The following SLC2A9 variants were observed in gnomAD, a reference collection of about 807,000 sequenced individuals.
SLC2A9 encodes solute carrier family 2, facilitated glucose transporter member 9.
Under a neutral mutation model 50.6 loss-of-function variants are expected in SLC2A9, and 39 were observed. The ratio of observed to expected loss-of-function variants is 0.77; its 90% CI spans 0.60 to 1.01. The LOEUF (loss-of-function observed/expected upper bound fraction) is 1.01, where lower values mean the gene tolerates loss of function less well. SLC2A9 is among the 50% of genes least tolerant of loss of function. SLC2A9 has a pLI of 0.00. For missense variants in SLC2A9, 686 were observed against 677.6 expected, an observed-to-expected ratio of 1.01 and a Z score of -0.14; for synonymous variants, 324 against 276.9, an observed-to-expected ratio of 1.17 and a Z score of -1.69.
intron 7 of SLC2A9, among the ~76,000 whole-genome samples, chr4:9,912,771 C>T (rs1383642528): frequency 6.6e-6 from 1 of 152,182 alleles, no homozygotes; most frequent in Non-Finnish European, 1.5e-5. Context: ...ATCCTGGGAA[C>T]CCCAGAACAT....
At chr4:9,903,135 T>C (rs1020521894) in intron 8 of SLC2A9, among the ~76,000 whole-genome samples, 51 of 152,134 alleles carry the variant, frequency 3.4e-4, no homozygotes, top group African/African-American at 1.2e-3. Flanking sequence ...TTTTACCACG[T>C]TCTGCTCTCA....
intron 3 of SLC2A9, among the ~76,000 whole-genome samples, chr4:9,810,441 T>A (rs545771797): frequency 6.6e-6 from 1 of 152,324 alleles, no homozygotes; most frequent in African/African-American, 2.4e-5. Flanking sequence ...CTTTAAGGGA[T>A]GAGATTTTGG....
At chr4:9,974,920 A>T (rs954012637) in intron 5 of SLC2A9, among the ~76,000 whole-genome samples, 1 of 152,164 alleles carries the variant, frequency 6.6e-6, no homozygotes, top group African/African-American at 2.4e-5. Flanking sequence ...TAGACAAATG[A>T]AACAGAATGG....
intron 5 of SLC2A9, among the ~76,000 whole-genome samples, chr4:9,974,800 A>G (rs933900844): frequency 6.6e-6 from 1 of 152,220 alleles, no homozygotes; most frequent in Non-Finnish European, 1.5e-5. Context: ...AGCCCAAGCC[A>G]TCCTAAGCAA....
At chr4:9,804,382 A>G (rs532623018) in intron 3 of SLC2A9, among the ~76,000 whole-genome samples, 100 of 152,284 alleles carry the variant, frequency 6.6e-4, no homozygotes, top group African/African-American at 2.4e-3. Context: ...CCCTCAACTC[A>G]TCTGCCTTTC....
intron 2 of SLC2A9, among the ~76,000 whole-genome samples, chr4:10,009,054 T>C (rs1319492579): frequency 6.6e-6 from 1 of 152,132 alleles, no homozygotes; most frequent in Admixed American, 6.5e-5. Context: ...TAATTGCCCG[T>C]TGTTTCTGCA....
At chr4:9,951,644 C>T (rs1750281939) in intron 5 of SLC2A9, among the ~76,000 whole-genome samples, 1 of 151,796 alleles carries the variant, frequency 6.6e-6, no homozygotes, top group Admixed American at 6.6e-5. Flanking sequence ...AAACAGTAAT[C>T]ATCTTTAGGA....
rs73096631 is a variant in SLC2A9 at position 9,932,293 on chromosome 4, G to T, written c.814+9620C>A. On this transcript the variant is annotated intron_variant, in intron 6 of 11. Coordinates refer to ENST00000264784, the MANE Select transcript of SLC2A9 (RefSeq NM_020041.3). ...CTGTACTCAGCCTTTGGTATACTTT[G>T]GTTTTCTTCATTCATGCAACAATTA... Among the ~76,000 whole-genome samples the T allele has an allele frequency of 8.0e-3, 1,209 of 151,854 alleles. 18 individuals are homozygous for T. Among genetic ancestry groups the T allele is most frequent in the African/African-American group, 0.028 (1,164 of 41,356 alleles).
At chr4:9,917,325 C>CTTTTTTTTTTTTTTTT (rs55927201) in intron 7 of SLC2A9, among the ~76,000 whole-genome samples, 11 of 81,802 alleles carry the variant, frequency 1.3e-4, no homozygotes, top group Admixed American at 2.0e-4. Flanking sequence ...TTCTTTTTTC[C>CTTTTTTTTTTTTTTTT]TTTTTTTTTT....
intron 5 of SLC2A9, among the ~76,000 whole-genome samples, chr4:9,971,202 TC>T (rs1397280643): frequency 1.3e-5 from 2 of 152,242 alleles, no homozygotes; most frequent in African/African-American, 4.8e-5. Context: ...ACAACAAGTT[TC>T]ACCTAATTTG....
downstream of SLC2A9, among the ~76,000 whole-genome samples, chr4:9,796,942 C>T (rs149644486): frequency 9.1e-3 from 1,391 of 152,262 alleles, 52 homozygotes; most frequent in Admixed American, 0.065. Context: ...AGCCCAATGT[C>T]AGTGGGGTGG....
chr4:9,985,115 C>A (rs1479761236), intron 4 of SLC2A9, among the ~76,000 whole-genome samples: 1 of 152,182 alleles, frequency 6.6e-6, no homozygotes, highest in Non-Finnish European at 1.5e-5. Flanking sequence ...ACAGCCCTCA[C>A]CACCCTCCTG....
At chr4:9,836,513 A>G (rs1727139599) in intron 10 of SLC2A9, among the ~76,000 whole-genome samples, 1 of 152,130 alleles carries the variant, frequency 6.6e-6, no homozygotes, top group African/African-American at 2.4e-5. Context: ...GGGAGGGGCC[A>G]GCAGAGGTCC....
chr4:10,010,418 C>T (rs1761567170), intron 2 of SLC2A9, among the ~76,000 whole-genome samples: 1 of 152,090 alleles, frequency 6.6e-6, no homozygotes, highest in Admixed American at 6.6e-5. Flanking sequence ...ATTATCAAAC[C>T]AGAAGGGGTA....
chr4:9,935,471 C>T (rs1746892625), intron 6 of SLC2A9, among the ~76,000 whole-genome samples: 2 of 152,210 alleles, frequency 1.3e-5, no homozygotes, highest in South Asian at 2.1e-4. Context: ...CCCCTATGTG[C>T]CCTGGTTCTG....
At chr4:9,872,052 C>T (rs941340720) in intron 10 of SLC2A9, among the ~76,000 whole-genome samples, 6 of 152,244 alleles carry the variant, frequency 3.9e-5, no homozygotes, top group South Asian at 4.1e-4. Context: ...GGATGAGGTC[C>T]CTCCTCATCC....
chr4:9,772,304 AT>A lies in SLC2A9; in HGVS notation n.182-936del, dbSNP rs374112488. 2.3e-3 allele frequency among the ~76,000 whole-genome samples: 355 copies of A among 152,356 alleles called. 1 individual carries two copies. Among genetic ancestry groups the A allele is most frequent in the African/African-American group, 8.2e-3 (339 of 41,582 alleles). On this transcript the variant is annotated intron_variant and non_coding_transcript_variant, in intron 1 of 1. Coordinates refer to the SLC2A9 transcript ENST00000508585. ...GGAGCCATTTTGAGATAATGAATCA[AT>A]GATAGCTTCCATCTATTGTGGATTG...
intron 7 of SLC2A9, among the ~76,000 whole-genome samples, chr4:9,912,056 C>A (rs1365660715): frequency 6.6e-6 from 1 of 152,116 alleles, no homozygotes; most frequent in East Asian, 1.9e-4. Flanking sequence ...AACCAAACAC[C>A]GCATATTCTC....
chr4:9,980,140 A>C (rs1248461247), intron 5 of SLC2A9, among the ~76,000 whole-genome samples: 1 of 152,206 alleles, frequency 6.6e-6, no homozygotes, highest in African/African-American at 2.4e-5. Context: ...GGAAGACTCT[A>C]CTTACTTATC....
Sources: allele counts gnomAD v4.1 joint callset (sites outside exome capture counted in the v4.1 genomes callset), GRCh38; gene constraint gnomAD v4.1.1; transcripts MANE v1.5; gene names NCBI Gene and HGNC (gene_info 2026-07-23, HGNC 2026-07-21).